The following PSMD12 variants were observed in gnomAD, a reference collection of about 807,000 sequenced individuals.
The protein encoded by PSMD12 is 26S proteasome non-ATPase regulatory subunit 12.
Under a neutral mutation model 62.9 loss-of-function variants are expected in PSMD12, and 8 were observed. The observed-to-expected ratio is 0.13, with a 90% CI of 0.07 to 0.23. PSMD12 has a LOEUF of 0.23. Among genes scored for constraint, PSMD12 ranks in the 10% least tolerant of loss-of-function variants. The pLI is 1.00. For synonymous variants in PSMD12, 173 were observed against 187.4 expected (o/e 0.92, Z 0.63); for missense variants, 424 against 550.2 (o/e 0.77, Z 2.29).
rs370653363 is a variant in PSMD12, at chr17:67,357,320, G to A, written c.280C>T (p.Arg94Trp). 1.9e-5 allele frequency: 30 copies of A among 1,612,646 alleles called. No homozygotes were observed. Among genetic ancestry groups the A allele is most frequent in the Admixed American group, 5.0e-5 (3 of 59,904 alleles). The change falls in exon 3 of 11, where the codon CGG (arginine) becomes TGG (tryptophan). Residue 94 changes from arginine to tryptophan, a missense_variant. Arg to Trp is a moderately radical substitution (Grantham distance 101, BLOSUM62 -3). Coordinates refer to ENST00000356126, the MANE Select transcript of PSMD12 (RefSeq NM_002816.5). ...NENIMLLSKR[R>W]SQLKQAVAKM... Reference sequence around the variant, plus strand: ...GAACTCACTTGTTTTAACTGACTCCGCCTTTTGGACAAAAGCATAATATTT... The same window carrying A: ...GAACTCACTTGTTTTAACTGACTCCACCTTTTGGACAAAAGCATAATATTT...
Position 67,350,313 on chromosome 17 carries a change from C to G in PSMD12, c.321G>C (p.Gln107His). 1 of 1,608,080 alleles carries G rather than the reference C, an allele frequency of 6.2e-7. No individual in the cohort carries two copies. Among genetic ancestry groups the G allele is most frequent in the Non-Finnish European group, 8.5e-7 (1 of 1,177,758 alleles). ...LKQAVAKMVQ[Q>H]CCTYVEEITD... The stretch of plus-strand genomic sequence containing the variant: ...TGATTTCCTCAACATAAGTACAGCA[C>G]TGTTGAACCATTTTGGCAACAGCCT... The change falls in exon 4 of 11, where the codon CAG becomes CAC. Residue 107 changes from glutamine to histidine, a missense_variant. Coordinates refer to ENST00000356126, the MANE Select transcript of PSMD12 (RefSeq NM_002816.5).
intron 1 of PSMD12, among the ~76,000 whole-genome samples, chr17:67,359,363 A>G (rs547499077): frequency 6.6e-6 from 1 of 152,310 alleles, no homozygotes; most frequent in East Asian, 1.9e-4. Context: ...TCTAGATAAA[A>G]AATTTTTAAA....
chr17:67,356,799 C>CCAGG (rs1435048537), intron 3 of PSMD12, among the ~76,000 whole-genome samples: 1 of 151,710 alleles, frequency 6.6e-6, no homozygotes, highest in Non-Finnish European at 1.5e-5. Flanking sequence ...TCACTTGAGC[C>CCAGG]CAGGAGTTTG....
In PSMD12 at chr17:67,340,885, C is replaced by T. The variant is rs139759188; in HGVS notation, c.1329G>A (p.Thr443=). 3.5e-5 allele frequency: 55 copies of T among 1,592,482 alleles called. No homozygotes were observed. In the African/African-American group the frequency reaches 5.7e-4, roughly 17 times the overall value. Reference sequence around the variant, plus strand: ...TCATCTCCTCTTTGGCTATGAGATGCGTAGTTTTGTTAACCAGAGACATTA... The same window carrying T: ...TCATCTCCTCTTTGGCTATGAGATGTGTAGTTTTGTTAACCAGAGACATTA... ...NSLMSLVNKT[T]HLIAKEEMIH... The change falls in exon 11 of 11, where the codon ACG becomes ACA. Residue 443 remains threonine, a synonymous_variant. Transcript: ENST00000356126.
intron 10 of PSMD12, among the ~76,000 whole-genome samples, chr17:67,341,900 A>G (rs2041918641): frequency 1.3e-5 from 2 of 152,210 alleles, no homozygotes; most frequent in South Asian, 4.1e-4. Context: ...CCTTCTGGGG[A>G]CAGAAATGGC....
At chr17:67,350,406 C>A in intron 3 of PSMD12, 70 bp from the exon 4 acceptor site, 2 of 1,158,638 alleles carry the variant, frequency 1.7e-6, no homozygotes, top group South Asian at 1.6e-5. Context: ...TTTTATTGAT[C>A]AAAGAGCAAT....
In PSMD12 at chr17:67,345,811, T is replaced by C; in HGVS notation, c.842A>G (p.Asn281Ser). Residue 281 changes from asparagine to serine, a missense_variant, in exon 8 of 11, where the codon AAT (asparagine) becomes AGT (serine). Physicochemically the swap from Asn to Ser is conservative, Grantham distance 46. Coordinates refer to ENST00000356126, the MANE Select transcript of PSMD12 (RefSeq NM_002816.5). The part of the protein sequence containing the change: ...VLYVILAPFD[N>S]EQSDLVHRIS... Reference sequence around the variant, plus strand: ...TCGGTGAACCAAATCTGACTGTTCATTGTCAAAAGGAGCCAGGATAACATA... The same window carrying C: ...TCGGTGAACCAAATCTGACTGTTCACTGTCAAAAGGAGCCAGGATAACATA... 1 of 1,613,962 alleles carries C rather than the reference T, an allele frequency of 6.2e-7. No homozygotes were observed. Among genetic ancestry groups the C allele is most frequent in the South Asian group, 1.1e-5 (1 of 91,084 alleles).
At chr17:67,341,172 G>A in intron 10 of PSMD12, 120 bp from the exon 11 acceptor site, 1 of 781,318 alleles carries the variant, frequency 1.3e-6, no homozygotes, top group Non-Finnish European at 2.0e-6. Flanking sequence ...TCATTCTTAA[G>A]AGTTAGTAAC....
At chr17:67,341,230 A>G (rs1288974545) in intron 10 of PSMD12, among the ~76,000 whole-genome samples, 178 bp from the exon 11 acceptor site, 3 of 152,054 alleles carry the variant, frequency 2.0e-5, no homozygotes, top group Admixed American at 6.6e-5. Context: ...GCACTTTGGG[A>G]GGCTGAATTG....
chr17:67,363,294 G>C (rs1350291390), intron 1 of PSMD12, among the ~76,000 whole-genome samples: 1 of 152,140 alleles, frequency 6.6e-6, no homozygotes, highest in African/African-American at 2.4e-5. Flanking sequence ...TGGGACAACA[G>C]GTGCGTACCA....
chr17:67,355,250 C>T (rs926647037), intron 3 of PSMD12: 3 of 152,070 alleles, frequency 2.0e-5, no homozygotes, highest in African/African-American at 4.8e-5. Context: ...TGCCACTACA[C>T]TCAGCTAATT....
intron 1 of PSMD12, among the ~76,000 whole-genome samples, chr17:67,364,982 G>A (rs556762582): frequency 6.6e-6 from 1 of 152,200 alleles, no homozygotes; most frequent in East Asian, 1.9e-4. Flanking sequence ...TCAGGAGGTC[G>A]CGTGCGACCA....
chr17:67,357,509 AACT>A lies in PSMD12; in HGVS notation c.168+7_168+9del, dbSNP rs1709688724. ...AATGGTAACTGAGCTTTCCCCTGTA[AACT>A]ACTCACAGTACGAGTCTGCTTTTCC... On this transcript the variant is annotated splice_region_variant and intron_variant, in intron 2 of 10. Transcript: ENST00000356126. 6.2e-7 allele frequency: 1 copy of A among 1,613,384 alleles called. No individual in the cohort carries two copies. The highest frequency in any genetic ancestry group is 1.7e-5 in the Admixed American group (1 of 59,994).
chr17:67,342,654 C>T (rs557583795), intron 9 of PSMD12, among the ~76,000 whole-genome samples: 3 of 151,894 alleles, frequency 2.0e-5, no homozygotes, highest in Admixed American at 6.6e-5. Flanking sequence ...GATTGGAGAT[C>T]GATCGGGTGC....
chr17:67,361,931 G>T, intron 1 of PSMD12, among the ~76,000 whole-genome samples: 1 of 144,190 alleles, frequency 6.9e-6, no homozygotes, highest in Non-Finnish European at 1.5e-5. Context: ...AGGGAGGGAG[G>T]GAGGGAGAGA....
rs145998389 is a variant in PSMD12, at chr17:67,357,561, T to G, written c.126A>C (p.Glu42Asp). 1.5e-5 allele frequency: 24 copies of G among 1,613,492 alleles called. No individual in the cohort carries two copies. In the African/African-American group the frequency reaches 2.9e-4, roughly 20 times the overall value. ...AKLAKEGRLQEVIETLLSLEK... is the reference protein window; with the variant it reads ...AKLAKEGRLQDVIETLLSLEK... ...CCAGAGAGAGAAGGGTTTCAATGAC[T>G]TCTTGAAGTCTTCCTTCCTAAAACA... The change falls in exon 2 of 11, where the codon GAA becomes GAC. Residue 42 changes from glutamate (E) to aspartate (D), a missense_variant. Transcript: ENST00000356126.
intron 10 of PSMD12, 126 bp from the exon 11 acceptor site, chr17:67,341,178 G>C (rs2041911375): frequency 1.4e-6 from 1 of 726,802 alleles, no homozygotes; most frequent in Non-Finnish European, 2.1e-6. Context: ...TTAAGAGTTA[G>C]TAACACTCAG....
At chr17:67,356,270 T>C (rs2143720312) in intron 3 of PSMD12, among the ~76,000 whole-genome samples, 1 of 151,734 alleles carries the variant, frequency 6.6e-6, no homozygotes, top group East Asian at 1.9e-4. Context: ...CAAAAAGCTG[T>C]TTTGCAAAAA....
Position 67,357,420 on chromosome 17 carries a change from C to G in PSMD12, c.180G>C (p.Met60Ile). The change falls in exon 3 of 11, where the codon ATG (methionine) becomes ATC (isoleucine). Residue 60 changes from methionine to isoleucine, a missense_variant. Coordinates refer to ENST00000356126, the MANE Select transcript of PSMD12 (RefSeq NM_002816.5). The stretch of plus-strand genomic sequence containing the variant: ...CAACTAAGATACGGGATGTCGATAC[C>G]ATATCGGAAGCCTGTAAGGGTAAAA... ...LEKQTRTASD[M>I]VSTSRILVAV... 2 of 1,613,594 alleles carry G rather than the reference C, an allele frequency of 1.2e-6. No homozygotes were observed. Among genetic ancestry groups the G allele is most frequent in the Non-Finnish European group, 1.7e-6 (2 of 1,179,638 alleles).
Sources: allele counts gnomAD v4.1 joint callset (sites outside exome capture counted in the v4.1 genomes callset), GRCh38; gene constraint gnomAD v4.1.1; transcripts MANE v1.5; gene names NCBI Gene and HGNC (gene_info 2026-07-23, HGNC 2026-07-21).